KCTD18: variants seen among roughly 807,000 people sequenced by gnomAD.
KCTD18 encodes BTB/POZ domain-containing protein KCTD18.
Under a neutral mutation model 30.4 loss-of-function variants are expected in KCTD18, and 22 were observed. The ratio of observed to expected loss-of-function variants is 0.72; its 90% confidence interval spans 0.52 to 1.03. KCTD18 has a LOEUF of 1.03. Ranked by LOEUF, KCTD18 falls within the 50% of genes least tolerant of loss-of-function variation. KCTD18 has a pLI of 0.00. For missense variants in KCTD18, 529 were observed against 547.6 expected, an observed-to-expected ratio of 0.97 and a Z score of 0.34; for synonymous variants, 186 against 209.0, an observed-to-expected ratio of 0.89 and a Z score of 0.95.
At chr2:200,498,863 T>G (rs2088038143) in intron 4 of KCTD18, 28 bp downstream of exon 4, 1 of 1,596,000 alleles carries the variant, frequency 6.3e-7, no homozygotes, top group Non-Finnish European at 8.6e-7. Flanking sequence ...TTTATTTTGT[T>G]CTTTTTCACA....
intron 3 of KCTD18, among the ~76,000 whole-genome samples, chr2:200,502,067 T>C (rs1318079337): frequency 6.6e-6 from 1 of 151,302 alleles, no homozygotes; most frequent in East Asian, 1.9e-4. Flanking sequence ...TATTCTTACT[T>C]ATAGGTGGGA....
chr2:200,509,232 A>G (rs1481196617), intron 1 of KCTD18, among the ~76,000 whole-genome samples: 2 of 152,172 alleles, frequency 1.3e-5, no homozygotes, highest in Non-Finnish European at 2.9e-5. Context: ...CAGGGGCCAC[A>G]CAAGGACTGA....
intron 3 of KCTD18, 96 bp from the exon 4 acceptor site, chr2:200,499,180 G>A: frequency 1.2e-6 from 1 of 819,058 alleles, no homozygotes; most frequent in Non-Finnish European, 1.9e-6. Flanking sequence ...TGAAATTCTA[G>A]TTGATCATAA....
intron 2 of KCTD18, 82 bp downstream of exon 2, chr2:200,506,775 C>T (rs1332633716): frequency 9.5e-6 from 12 of 1,265,090 alleles, no homozygotes; most frequent in Admixed American, 1.9e-5. Context: ...TAGTACATTT[C>T]GCTGTAATTA....
Position 200,507,033 on chromosome 2 carries a change from T to C in KCTD18, c.-17A>G, listed in dbSNP as rs1159610680. On this transcript the variant is annotated 5_prime_UTR_variant, in exon 2 of 7. Coordinates refer to ENST00000359878, the MANE Select transcript of KCTD18 (RefSeq NM_152387.4). ...GCCTTCCATTTCTCCCCCAGGCACC[T>C]GAATTTTTGCCGCCCAACACTTTCA... 1 of 1,591,794 alleles carries C rather than the reference T, an allele frequency of 6.3e-7. No individual in the cohort carries two copies. The highest frequency in any genetic ancestry group is 1.8e-5 in the Admixed American group (1 of 56,814).
At chr2:200,497,698 G>A (rs748817524) in intron 5 of KCTD18, 55 bp downstream of exon 5, 1 of 1,154,236 alleles carries the variant, frequency 8.7e-7, no homozygotes, top group South Asian at 1.3e-5. Flanking sequence ...AGCTTACTTT[G>A]TCTTTTTTTT....
chr2:200,494,510 T>C (rs1022979970), intron 5 of KCTD18, among the ~76,000 whole-genome samples: 1 of 152,170 alleles, frequency 6.6e-6, no homozygotes, highest in Non-Finnish European at 1.5e-5. Flanking sequence ...CAATAACAAT[T>C]TAGCAAGCTG....
intron 6 of KCTD18, among the ~76,000 whole-genome samples, chr2:200,492,087 A>G (rs184327016): frequency 2.0e-3 from 310 of 152,320 alleles, no homozygotes; most frequent in Middle Eastern, 6.8e-3. Flanking sequence ...ACTAACACAG[A>G]GGAGGGTCTC....
chr2:200,509,122 G>A (rs2030371909), intron 1 of KCTD18, among the ~76,000 whole-genome samples: 1 of 152,072 alleles, frequency 6.6e-6, no homozygotes, highest in African/African-American at 2.4e-5. Context: ...AGAGACACTT[G>A]ACACACTTTA....
intron 3 of KCTD18, among the ~76,000 whole-genome samples, chr2:200,499,690 T>C (rs1574803343): frequency 1.3e-5 from 2 of 151,828 alleles, no homozygotes; most frequent in Admixed American, 6.6e-5. Flanking sequence ...AGCCGAATTC[T>C]ACCAGAGGTA....
chr2:200,504,356 G>T (rs1367595469), intron 3 of KCTD18, among the ~76,000 whole-genome samples: 3 of 151,828 alleles, frequency 2.0e-5, no homozygotes, highest in African/African-American at 7.3e-5. Flanking sequence ...CTACTGGGGA[G>T]GCTGAGGCAG....
At chr2:200,505,007 A>G (rs767090849) in intron 2 of KCTD18, 48 bp from the exon 3 acceptor site, 2 of 1,469,750 alleles carry the variant, frequency 1.4e-6, no homozygotes. Flanking sequence ...CTGTCGATCA[A>G]TAAGATTTCA....
chr2:200,504,984 G>GATT (rs1559186529), intron 2 of KCTD18, 25 bp from the exon 3 acceptor site: 1 of 1,555,680 alleles, frequency 6.4e-7, no homozygotes, highest in South Asian at 1.1e-5. Flanking sequence ...GTTCAAAAAT[G>GATT]ATTATAGAGA....
At chr2:200,493,310 A>T (rs1297246809) in intron 5 of KCTD18, 36 bp from the exon 6 acceptor site, 1 of 1,174,698 alleles carries the variant, frequency 8.5e-7, no homozygotes, top group East Asian at 2.3e-5. Flanking sequence ...GACAGCTACC[A>T]TCCACTGCAA....
Position 200,490,427 on chromosome 2 carries a change from G to A in KCTD18, c.954C>T (p.Ser318=). The change falls in exon 7 of 7, where the codon AGC becomes AGT. Residue 318 remains serine, a synonymous_variant. Coordinates refer to ENST00000359878, the MANE Select transcript of KCTD18 (RefSeq NM_152387.4). ...CAGAGCGCTGAGCTGCCTTTCTGCG[G>A]CTACCACTTTGAAACCGGTTTGCTG... is the stretch of plus-strand genomic sequence containing the variant. ...GATANRFQSG[S]RRKAAQRSAP... The A allele has an allele frequency of 6.2e-7, 1 of 1,614,150 alleles. No individual in the cohort carries two copies. The highest frequency in any genetic ancestry group is 8.5e-7 in the Non-Finnish European group (1 of 1,180,040).
At chr2:200,491,675 C>T (rs145175473) in intron 6 of KCTD18, among the ~76,000 whole-genome samples, 3 of 152,122 alleles carry the variant, frequency 2.0e-5, no homozygotes, top group East Asian at 3.8e-4. Context: ...TACGGGGGAA[C>T]ATTTTTTTAA....
intron 3 of KCTD18, among the ~76,000 whole-genome samples, chr2:200,501,719 G>A (rs2088087846): frequency 6.6e-6 from 1 of 150,506 alleles, no homozygotes; most frequent in Non-Finnish European, 1.5e-5. Context: ...CATTGTGGAA[G>A]TCAGTGTGGC....
chr2:200,498,838 A>G, intron 4 of KCTD18, 53 bp downstream of exon 4: 1 of 1,514,808 alleles, frequency 6.6e-7, no homozygotes, highest in Non-Finnish European at 9.2e-7. Flanking sequence ...AACACCTCTT[A>G]AAAGAGACCA....
At chr2:200,505,076 A>C in intron 2 of KCTD18, 117 bp from the exon 3 acceptor site, 1 of 766,240 alleles carries the variant, frequency 1.3e-6, no homozygotes, top group Non-Finnish European at 2.1e-6. Flanking sequence ...CTCACATGAA[A>C]GTTAACATCT....
Sources: gnomAD v4.1 joint callset for allele counts (sites outside exome capture counted in the v4.1 genomes callset) on GRCh38, gnomAD v4.1.1 for gene constraint, MANE v1.5 for transcripts, NCBI Gene and HGNC (gene_info 2026-07-23, HGNC 2026-07-21) for gene names.